FAM117B: variants seen among roughly 807,000 people sequenced by gnomAD.
FAM117B encodes the protein protein FAM117B.
A neutral mutation model predicts 52.8 loss-of-function variants in FAM117B; 22 were observed. The ratio of observed to expected loss-of-function variants is 0.42; its 90% CI spans 0.30 to 0.59. The LOEUF (loss-of-function observed/expected upper bound fraction) is 0.59, where lower values mean the gene tolerates loss of function less well. Among genes scored for constraint, FAM117B ranks in the 20% least tolerant of loss-of-function variants. The probability of loss-of-function intolerance (pLI) is 0.22; values close to 1 mark genes in which losing one functional copy is unlikely to be tolerated. For synonymous variants in FAM117B, 309 were observed against 324.1 expected (o/e 0.95, Z 0.50); for missense variants, 678 against 802.6 (o/e 0.84, Z 1.88).
intron 1 of FAM117B, among the ~76,000 whole-genome samples, chr2:202,691,702 C>CGCGT (rs1690632250): frequency 8.3e-6 from 1 of 119,902 alleles, no homozygotes; most frequent in Non-Finnish European, 2.0e-5. Flanking sequence ...TGTGTGTGCG[C>CGCGT]GCGCGCCTCC....
At chr2:202,687,253 A>G (rs572849532) in intron 1 of FAM117B, among the ~76,000 whole-genome samples, 2 of 152,356 alleles carry the variant, frequency 1.3e-5, no homozygotes, top group South Asian at 4.1e-4. Flanking sequence ...CTAACCTTTA[A>G]TAATAGGAAG....
At chr2:202,737,601 GTTTAAC>G (rs1369581920) in intron 4 of FAM117B, among the ~76,000 whole-genome samples, 4 of 151,722 alleles carry the variant, frequency 2.6e-5, no homozygotes, top group Non-Finnish European at 5.9e-5. Flanking sequence ...TGTATCAATA[GTTTAAC>G]TTTTTTTTTT....
At chr2:202,708,071 A>T (rs1690901485) in intron 2 of FAM117B, among the ~76,000 whole-genome samples, 1 of 151,786 alleles carries the variant, frequency 6.6e-6, no homozygotes. Flanking sequence ...CGCCCAGCCT[A>T]ATTTTTTATT....
intron 4 of FAM117B, among the ~76,000 whole-genome samples, chr2:202,735,486 T>C (rs1449614643): frequency 1.3e-5 from 2 of 152,196 alleles, no homozygotes; most frequent in Non-Finnish European, 2.9e-5. Flanking sequence ...CACATACTTT[T>C]CTGCATGTTT....
chr2:202,645,735 C>T (rs1232646549), intron 1 of FAM117B, among the ~76,000 whole-genome samples: 1 of 151,918 alleles, frequency 6.6e-6, no homozygotes, highest in Non-Finnish European at 1.5e-5. Flanking sequence ...TCCCGAGTAG[C>T]TGGGACTGTA....
At chr2:202,694,908 ATTTT>A (rs1366327747) in intron 1 of FAM117B, among the ~76,000 whole-genome samples, 3 of 152,134 alleles carry the variant, frequency 2.0e-5, no homozygotes, top group Admixed American at 6.5e-5. Context: ...ATTGTCACTA[ATTTT>A]TTAGTGACAA....
intron 4 of FAM117B, among the ~76,000 whole-genome samples, chr2:202,741,289 G>A (rs1691532207): frequency 6.6e-6 from 1 of 151,538 alleles, no homozygotes; most frequent in Non-Finnish European, 1.5e-5. Flanking sequence ...GAGTGGTGGT[G>A]TGTACCTGTA....
chr2:202,741,598 G>A (rs1052328571), intron 4 of FAM117B, among the ~76,000 whole-genome samples: 12 of 150,260 alleles, frequency 8.0e-5, no homozygotes, highest in African/African-American at 2.5e-4. Context: ...GTGCAGTGGC[G>A]CGATCTCGGC....
chr2:202,699,201 C>T (rs573818680), intron 2 of FAM117B, among the ~76,000 whole-genome samples: 27 of 151,800 alleles, frequency 1.8e-4, no homozygotes, highest in South Asian at 1.7e-3. Context: ...CTGAGGTGGG[C>T]GGATCACCTG....
In FAM117B at chr2:202,740,196, A is replaced by AAAT. The variant is rs1691509222; in HGVS notation, c.960+13835_960+13836insTAA. 2.7e-5 allele frequency among the ~76,000 whole-genome samples: 4 copies of AAAT among 147,182 alleles called. No homozygotes were observed. In the South Asian group the frequency reaches 8.7e-4, roughly 32 times the overall value. On this transcript the variant is annotated intron_variant, in intron 4 of 7. Coordinates refer to ENST00000392238, the MANE Select transcript of FAM117B (RefSeq NM_173511.4). ...CCCCAAAAAAAAAAAAAAAAAAAAA[A>AAAT]AAAAAATCCCCAAATTAGCCGAGTG...
chr2:202,642,966 G>C (rs1418650326), intron 1 of FAM117B, among the ~76,000 whole-genome samples: 2 of 152,194 alleles, frequency 1.3e-5, no homozygotes, highest in Non-Finnish European at 2.9e-5. Flanking sequence ...ATTTCAAGGA[G>C]AGATAGGAAA....
intron 2 of FAM117B, among the ~76,000 whole-genome samples, chr2:202,703,916 AT>A (rs1475922663): frequency 6.6e-6 from 1 of 152,168 alleles, no homozygotes; most frequent in African/African-American, 2.4e-5. Flanking sequence ...CAGCTGTATC[AT>A]TTTCTATCCC....
intron 1 of FAM117B, among the ~76,000 whole-genome samples, chr2:202,671,303 C>T (rs780446883): frequency 4.6e-5 from 7 of 152,288 alleles, no homozygotes; most frequent in Admixed American, 6.5e-5. Context: ...AGTTAATAAG[C>T]GTGCTTTAAT....
At chr2:202,749,652 G>A (rs1691691578) in intron 4 of FAM117B, among the ~76,000 whole-genome samples, 1 of 151,978 alleles carries the variant, frequency 6.6e-6, no homozygotes, top group African/African-American at 2.4e-5. Flanking sequence ...GGCAGTCCAG[G>A]CACAGTGACT....
intron 2 of FAM117B, 108 bp downstream of exon 2, chr2:202,696,140 T>C (rs1029446231): frequency 8.8e-5 from 107 of 1,214,038 alleles, no homozygotes; most frequent in Middle Eastern, 2.5e-4. Context: ...ATATTAGAAT[T>C]AACTTGAGAA....
At chr2:202,763,351 C>T (rs977691342) in intron 7 of FAM117B, among the ~76,000 whole-genome samples, 2 of 152,066 alleles carry the variant, frequency 1.3e-5, no homozygotes, top group Non-Finnish European at 1.5e-5. Flanking sequence ...GGATTACAAG[C>T]GTGAGCCACT....
At chr2:202,673,504 G>T (rs1690333519) in intron 1 of FAM117B, among the ~76,000 whole-genome samples, 1 of 125,656 alleles carries the variant, frequency 8.0e-6, no homozygotes, top group Non-Finnish European at 1.6e-5. Context: ...CTGGAGTGCA[G>T]TGGTGCAATC....
At position 202,720,418 on chromosome 2, in the gene FAM117B, TGTGTGTGTGC is replaced by T. The variant is rs1043716321; in HGVS notation, c.754-4497_754-4488del. Among the ~76,000 whole-genome samples the T allele has an allele frequency of 2.3e-4, 32 of 140,752 alleles. 1 individual carries two copies. The highest frequency in any genetic ancestry group is 7.3e-4 in the African/African-American group (28 of 38,312). The allele number at this position is 140,752 out of a possible 152,430, so 92.3% of individuals were successfully genotyped here. On this transcript the variant is annotated intron_variant, in intron 2 of 7. Transcript: ENST00000392238. Reference sequence around the variant, plus strand: ...TACCTGTCGTGTGTGTGTGTGTGTGTGTGTGTGTGCGCTGCAATTTTTGAAAGTATGTTGG... The same window carrying T: ...TACCTGTCGTGTGTGTGTGTGTGTGTGCTGCAATTTTTGAAAGTATGTTGG...
At chr2:202,722,074 G>A (rs956936756) in intron 2 of FAM117B, among the ~76,000 whole-genome samples, 2 of 147,634 alleles carry the variant, frequency 1.4e-5, no homozygotes, top group South Asian at 4.3e-4. Context: ...GCAGTGGCGA[G>A]ATCTCAGCTC....
Sources: allele counts gnomAD v4.1 joint callset (sites outside exome capture counted in the v4.1 genomes callset), GRCh38; gene constraint gnomAD v4.1.1; transcripts MANE v1.5; gene names NCBI Gene and HGNC (gene_info 2026-07-23, HGNC 2026-07-21).